The following SMC1B variants were observed in gnomAD, a reference collection of about 807,000 sequenced individuals.
SMC1B encodes structural maintenance of chromosomes 1B.
A neutral mutation model predicts 157.9 loss-of-function variants in SMC1B; 60 were observed. That is an observed-to-expected ratio of 0.38 (90% CI 0.31 to 0.47). The LOEUF (loss-of-function observed/expected upper bound fraction) is 0.47. Among genes scored for constraint, SMC1B ranks in the 20% least tolerant of loss-of-function variants. The pLI is 0.99. For missense variants in SMC1B, 1,165 were observed against 1,426.2 expected, an observed-to-expected ratio of 0.82 and a Z score of 2.95; for synonymous variants, 445 against 483.0, an observed-to-expected ratio of 0.92 and a Z score of 1.03.
At chr22:45,409,506 A>G (rs2087303827) in intron 1 of SMC1B, among the ~76,000 whole-genome samples, 1 of 151,990 alleles carries the variant, frequency 6.6e-6, no homozygotes, top group South Asian at 2.1e-4. Flanking sequence ...CGGTGGTTGC[A>G]GTGAGCCGAG....
At position 45,389,864 on chromosome 22, in the gene SMC1B, G is replaced by A; in HGVS notation, c.1579C>T (p.His527Tyr). ...GRLFDLCHPI[H>Y]KKYQLAVTKV... ...GTAACAGCCAGCTGGTATTTCTTAT[G>A]AATAGGATGACACAGGTCAAATAGT... is the stretch of plus-strand genomic sequence containing the variant. The change falls in exon 10 of 25, where the codon CAT becomes TAT. Residue 527 changes from histidine to tyrosine, a missense_variant. Coordinates refer to ENST00000357450, the MANE Select transcript of SMC1B (RefSeq NM_148674.5). 1 of 1,614,062 alleles carries A rather than the reference G, an allele frequency of 6.2e-7. No individual in the cohort carries two copies. The highest frequency in any genetic ancestry group is 1.1e-5 in the South Asian group (1 of 91,074).
rs577305086 is a variant in SMC1B, at chr22:45,378,712, T to C, written c.2058+4755A>G. Among the ~76,000 whole-genome samples, 4 of 152,344 alleles carry C rather than the reference T, an allele frequency of 2.6e-5. No individual in the cohort carries two copies. In the East Asian group the frequency reaches 7.7e-4, roughly 29 times the overall value. On this transcript the variant is annotated intron_variant, in intron 12 of 24. Coordinates refer to ENST00000357450, the MANE Select transcript of SMC1B (RefSeq NM_148674.5). ...AAGAGTGATTTTCCAACTCCTGAGT[T>C]ATCTTTTCCATTCTATTAAAAAAAA... is the stretch of plus-strand genomic sequence containing the variant.
At chr22:45,348,166 G>A (rs951403154) in intron 23 of SMC1B, among the ~76,000 whole-genome samples, 3 of 152,182 alleles carry the variant, frequency 2.0e-5, no homozygotes, top group African/African-American at 4.8e-5. Flanking sequence ...CAACTCCTAA[G>A]TGTGAAACTG....
At chr22:45,374,048 G>T (rs2041583100) in intron 12 of SMC1B, among the ~76,000 whole-genome samples, 1 of 146,598 alleles carries the variant, frequency 6.8e-6, no homozygotes, top group Non-Finnish European at 1.5e-5. Context: ...AAAGAAACCG[G>T]AAAATAAGAG....
Position 45,361,827 on chromosome 22 carries a change from A to C in SMC1B, c.2708+12T>G. Reference sequence around the variant, plus strand: ...CTGACTAGGTCTTTCAAACTGATGAAGTCTTAATTACCTATCAACAGCCAG... The same window carrying C: ...CTGACTAGGTCTTTCAAACTGATGACGTCTTAATTACCTATCAACAGCCAG... On this transcript the variant is annotated intron_variant, in intron 17 of 24. Coordinates refer to ENST00000357450, the MANE Select transcript of SMC1B (RefSeq NM_148674.5). The C allele has an allele frequency of 6.2e-7, 1 of 1,611,088 alleles. No individual in the cohort carries two copies. The highest frequency in any genetic ancestry group is 2.2e-5 in the East Asian group (1 of 44,846).
chr22:45,353,929 ACCGGT>A, intron 21 of SMC1B, 44 bp downstream of exon 21: 3 of 672,332 alleles, frequency 4.5e-6, no homozygotes, highest in South Asian at 4.0e-5. Flanking sequence ...AACAACCACC[ACCGGT>A]AACACAGAAT....
At position 45,411,875 on chromosome 22, in the gene SMC1B, T is replaced by C. The variant is rs193098282; in HGVS notation, c.109+1584A>G. 8.4e-3 allele frequency among the ~76,000 whole-genome samples: 1,273 copies of C among 151,406 alleles called. 9 individuals carry two copies. Among genetic ancestry groups the C allele is most frequent in the Non-Finnish European group, 0.012 (797 of 67,788 alleles). On this transcript the variant is annotated intron_variant, in intron 1 of 24. Coordinates refer to ENST00000357450, the MANE Select transcript of SMC1B (RefSeq NM_148674.5). ...ATGGAATTACAGGTGTGGGCCACCATGTCAGGCCTTATTTTTTTGTTGAGA... is the reference window on the plus strand; with the variant it reads ...ATGGAATTACAGGTGTGGGCCACCACGTCAGGCCTTATTTTTTTGTTGAGA...
Position 45,387,023 on chromosome 22 carries a change from T to C in SMC1B, c.1755A>G (p.Leu585=), listed in dbSNP as rs6007010. 0.38 allele frequency: 620,138 copies of C among 1,611,300 alleles called. 130,191 individuals carry two copies. The highest frequency in any genetic ancestry group is 0.84 in the African/African-American group (63,286 of 74,930). The change falls in exon 11 of 25, where the codon CTA becomes CTG. Residue 585 remains leucine, a synonymous_variant. Coordinates refer to ENST00000357450, the MANE Select transcript of SMC1B (RefSeq NM_148674.5). Reference sequence around the variant, plus strand: ...CCATTTTACAGCCTTTAAGCTCCCTTAGTCTTTCATTGATTGGCTTGATCT... The same window carrying C: ...CCATTTTACAGCCTTTAAGCTCCCTCAGTCTTTCATTGATTGGCTTGATCT... ...YLDIKPINER[L]RELKGCKMVI...
chr22:45,358,905 T>C (rs1280515859), intron 18 of SMC1B, 110 bp from the exon 19 acceptor site: 3 of 663,290 alleles, frequency 4.5e-6, no homozygotes, highest in South Asian at 1.9e-5. Context: ...AGATCAGTTA[T>C]ATAGATCACC....
intron 4 of SMC1B, among the ~76,000 whole-genome samples, chr22:45,405,484 G>A (rs1033185537): frequency 1.3e-5 from 2 of 151,804 alleles, no homozygotes; most frequent in African/African-American, 2.4e-5. Flanking sequence ...CCCAGGAGGC[G>A]GAGCTTGCAG....
Position 45,358,722 on chromosome 22 carries a change from T to A in SMC1B, c.2936A>T (p.Tyr979Phe). Residue 979 changes from tyrosine to phenylalanine, a missense_variant, in exon 19 of 25, where the codon TAC (tyrosine) becomes TTC (phenylalanine). By Grantham distance (22) the Tyr-to-Phe change is conservative. Coordinates refer to ENST00000357450, the MANE Select transcript of SMC1B (RefSeq NM_148674.5). ...YEKEEAFEIDYSSLKEDLKAL... is the reference protein window; with the variant it reads ...YEKEEAFEIDFSSLKEDLKAL... ...CTTCAAATCCTCTTTTAGAGAGCTG[T>A]AGTCTATTTCAAAGGCTTCTTCTTT... The A allele has an allele frequency of 2.5e-6, 4 of 1,611,546 alleles. No homozygotes were observed. The South Asian group carries it at 3.3e-5, about 13-fold the overall frequency.
At chr22:45,344,826 GA>G (rs1156768541) in intron 24 of SMC1B, among the ~76,000 whole-genome samples, 169 bp from the exon 25 acceptor site, 2 of 152,124 alleles carry the variant, frequency 1.3e-5, no homozygotes, top group Non-Finnish European at 1.5e-5. Flanking sequence ...TCTGGTATGA[GA>G]ATTTCCATTA....
chr22:45,374,285 A>G (rs541609054), intron 12 of SMC1B, among the ~76,000 whole-genome samples: 2 of 150,802 alleles, frequency 1.3e-5, no homozygotes, highest in South Asian at 2.1e-4. Flanking sequence ...AGATTTATAG[A>G]AAAAAAAACA....
In SMC1B at chr22:45,386,868, T is replaced by C; in HGVS notation, c.1910A>G (p.Lys637Arg). ...HIALSGPERQ[K>R]TVALDGTLFL... ...TGTGATCCAAGCCTCTTTTCTTACT[T>C]TCTGTCTTTCAGGTCCACTGAGTGC... The change falls in exon 11 of 25, where the codon AAA becomes AGA. Residue 637 changes from lysine (K) to arginine (R), a missense_variant and splice_region_variant. Lys to Arg is a conservative substitution (Grantham distance 26). Coordinates refer to ENST00000357450, the MANE Select transcript of SMC1B (RefSeq NM_148674.5). 6.2e-7 allele frequency: 1 copy of C among 1,612,310 alleles called. No individual in the cohort carries two copies. The highest frequency in any genetic ancestry group is 8.5e-7 in the Non-Finnish European group (1 of 1,178,842).
intron 23 of SMC1B, among the ~76,000 whole-genome samples, chr22:45,347,188 CTCT>C (rs1463137607): frequency 2.0e-5 from 3 of 152,204 alleles, no homozygotes; most frequent in African/African-American, 7.2e-5. Context: ...ACTCAAGATG[CTCT>C]TCTTTCCTGT....
intron 8 of SMC1B, among the ~76,000 whole-genome samples, chr22:45,394,366 T>A (rs1323338677): frequency 1.3e-5 from 2 of 151,196 alleles, no homozygotes; most frequent in African/African-American, 4.9e-5. Flanking sequence ...CTGCAAGGGG[T>A]GCGATGGCTC....
chr22:45,368,440 C>CT (rs1161373899), intron 15 of SMC1B, among the ~76,000 whole-genome samples: 1 of 150,456 alleles, frequency 6.6e-6, no homozygotes, highest in East Asian at 1.9e-4. Context: ...TGTATGTATA[C>CT]TTTTTTGAAT....
At chr22:45,366,266 C>T (rs532811994) in intron 15 of SMC1B, among the ~76,000 whole-genome samples, 14 of 152,242 alleles carry the variant, frequency 9.2e-5, no homozygotes, top group South Asian at 4.2e-4. Flanking sequence ...TCAGGTGATC[C>T]GCCTGCCTCG....
At chr22:45,358,064 A>G (rs890790427) in intron 19 of SMC1B, among the ~76,000 whole-genome samples, 4 of 152,192 alleles carry the variant, frequency 2.6e-5, no homozygotes, top group East Asian at 3.8e-4. Flanking sequence ...AAGAATCCCT[A>G]AACAGTGGGT....
Sources: gnomAD v4.1 joint callset for allele counts (sites outside exome capture counted in the v4.1 genomes callset) on GRCh38, gnomAD v4.1.1 for gene constraint, MANE v1.5 for transcripts, NCBI Gene and HGNC (gene_info 2026-07-23, HGNC 2026-07-21) for gene names.